The following SYT1 variants were observed in gnomAD, a reference collection of about 807,000 sequenced individuals.
The protein encoded by SYT1 is synaptotagmin-1.
Under a neutral mutation model 44.8 loss-of-function variants are expected in SYT1, and 8 were observed. The observed-to-expected ratio is 0.18, with a 90% CI of 0.10 to 0.32. SYT1 has a LOEUF of 0.32. Ranked by LOEUF, SYT1 falls within the 10% of genes least tolerant of loss-of-function variation. The probability of loss-of-function intolerance (pLI) is 1.00; values close to 1 mark genes in which losing one functional copy is unlikely to be tolerated. For synonymous variants in SYT1, 154 were observed against 188.8 expected, an observed-to-expected ratio of 0.82 and a Z score of 1.51; for missense variants, 286 against 509.3, an observed-to-expected ratio of 0.56 and a Z score of 4.22.
At chr12:79,315,137 A>C (rs920047089) in intron 8 of SYT1, among the ~76,000 whole-genome samples, 1 of 152,208 alleles carries the variant, frequency 6.6e-6, no homozygotes, top group African/African-American at 2.4e-5. Context: ...ATTTTATGGT[A>C]TGTGAATAAA....
chr12:79,199,174 C>T (rs1332455676), intron 3 of SYT1, among the ~76,000 whole-genome samples: 1 of 152,124 alleles, frequency 6.6e-6, no homozygotes, highest in Admixed American at 6.6e-5. Context: ...CTTTGGAAGG[C>T]TGTTTGTCAT....
At chr12:79,169,180 T>C (rs1871371352) in intron 3 of SYT1, among the ~76,000 whole-genome samples, 1 of 152,082 alleles carries the variant, frequency 6.6e-6, no homozygotes, top group African/African-American at 2.4e-5. Flanking sequence ...TTAATTCCAG[T>C]GCCTCATTTT....
chr12:79,308,021 G>A (rs1880500678), intron 8 of SYT1, among the ~76,000 whole-genome samples: 1 of 152,194 alleles, frequency 6.6e-6, no homozygotes, highest in Non-Finnish European at 1.5e-5. Flanking sequence ...ACTCAGCGTT[G>A]TAGAACTTCA....
intron 4 of SYT1, among the ~76,000 whole-genome samples, chr12:79,238,240 A>G (rs1278754865): frequency 6.6e-6 from 1 of 151,670 alleles, no homozygotes; most frequent in Non-Finnish European, 1.5e-5. Flanking sequence ...TGCCATCCTA[A>G]GCAGGTTTTA....
At chr12:79,136,182 T>G (rs768034511) in intron 3 of SYT1, among the ~76,000 whole-genome samples, 1 of 152,218 alleles carries the variant, frequency 6.6e-6, no homozygotes, top group Non-Finnish European at 1.5e-5. Flanking sequence ...CCATTCCAGT[T>G]AGTAGAATAG....
chr12:79,376,096 C>A (rs997154488), intron 9 of SYT1, among the ~76,000 whole-genome samples: 5 of 152,310 alleles, frequency 3.3e-5, no homozygotes, highest in Non-Finnish European at 7.3e-5. Flanking sequence ...CCTTCTTCCA[C>A]TGAGACGCAC....
rs561583839 is a variant in SYT1 at position 79,447,772 on chromosome 12, C to T, written c.1063-1146C>T. On this transcript the variant is annotated intron_variant, in intron 10 of 10. Coordinates refer to ENST00000261205, the MANE Select transcript of SYT1 (RefSeq NM_005639.3). ...TTGACAATGTGTTGCATTTCACATT[C>T]TAAATTCCACTTGCAGAAGTGATTG... Among the ~76,000 whole-genome samples the T allele has an allele frequency of 2.0e-5, 3 of 152,252 alleles. No homozygotes were observed. The South Asian group carries it at 6.2e-4, about 32-fold the overall frequency.
intron 2 of SYT1, among the ~76,000 whole-genome samples, chr12:79,046,825 A>G (rs1345215015): frequency 6.6e-6 from 1 of 152,020 alleles, no homozygotes; most frequent in Non-Finnish European, 1.5e-5. Context: ...TATGTATAAC[A>G]TATTGAGGTG....
At chr12:79,226,440 G>A (rs1875525940) in intron 4 of SYT1, among the ~76,000 whole-genome samples, 2 of 152,000 alleles carry the variant, frequency 1.3e-5, no homozygotes, top group South Asian at 2.1e-4. Context: ...TCTTAGTCCT[G>A]TGTCCCTCTA....
At chr12:79,024,362 G>T (rs764047164) in intron 2 of SYT1, among the ~76,000 whole-genome samples, 1 of 151,726 alleles carries the variant, frequency 6.6e-6, no homozygotes, top group Non-Finnish European at 1.5e-5. Context: ...AGAACCCAGG[G>T]TTGTGCTGCT....
At chr12:78,980,107 C>T (rs1363214806) in intron 2 of SYT1, among the ~76,000 whole-genome samples, 1 of 151,958 alleles carries the variant, frequency 6.6e-6, no homozygotes, top group African/African-American at 2.4e-5. Flanking sequence ...AATATTTTCT[C>T]AGTGCGGCAA....
intron 5 of SYT1, 38 bp downstream of exon 5, chr12:79,286,009 A>G (rs1879296592): frequency 6.4e-7 from 1 of 1,557,970 alleles, no homozygotes; most frequent in Admixed American, 2.1e-5. Context: ...TATTTTGTTT[A>G]AAAAAGATAA....
chr12:78,952,363 C>T (rs1331915441), intron 1 of SYT1, among the ~76,000 whole-genome samples: 1 of 152,094 alleles, frequency 6.6e-6, no homozygotes, highest in Non-Finnish European at 1.5e-5. Flanking sequence ...CTTGATGATT[C>T]ATCATCCAGC....
chr12:79,146,816 A>G (rs1164961972), intron 3 of SYT1, among the ~76,000 whole-genome samples: 1 of 151,974 alleles, frequency 6.6e-6, no homozygotes, highest in Non-Finnish European at 1.5e-5. Flanking sequence ...TACAAAGTAA[A>G]GGAGATAAAA....
At chr12:79,276,955 GGA>G (rs1444957571) in intron 4 of SYT1, among the ~76,000 whole-genome samples, 12 of 147,740 alleles carry the variant, frequency 8.1e-5, no homozygotes, top group South Asian at 4.3e-4. Context: ...GAAGGAAGAA[GGA>G]GGAGGAGGAG....
rs184775017 is a variant in SYT1, at chr12:78,976,836, T to A, written c.-216-963T>A. ...GCTCTACTATGCAAAGCCTCAATTC[T>A]TAATTGGTCTACAGGATTCAGCTGA... is the stretch of plus-strand genomic sequence containing the variant. On this transcript the variant is annotated intron_variant, in intron 1 of 10. Coordinates refer to ENST00000261205, the MANE Select transcript of SYT1 (RefSeq NM_005639.3). Among the ~76,000 whole-genome samples, 85 of 152,322 alleles carry A rather than the reference T, an allele frequency of 5.6e-4. No homozygotes were observed. The East Asian group carries it at 0.01, about 19-fold the overall frequency.
At chr12:78,885,330 GGGAAGGAAGAAA>G (rs1263228307) in intron 1 of SYT1, among the ~76,000 whole-genome samples, 3 of 16,882 alleles carry the variant, frequency 1.8e-4, no homozygotes, top group African/African-American at 9.1e-4. Flanking sequence ...GAAGGAAGGA[GGGAAGGAAGAAA>G]GGAAGGAAGG....
chr12:79,121,298 G>C (rs1423093581), intron 3 of SYT1, among the ~76,000 whole-genome samples: 1 of 152,082 alleles, frequency 6.6e-6, no homozygotes, highest in Non-Finnish European at 1.5e-5. Flanking sequence ...CCCAGCCATT[G>C]CTGGACTTGG....
chr12:79,422,158 T>C (rs1296549788), intron 9 of SYT1, among the ~76,000 whole-genome samples: 1 of 152,110 alleles, frequency 6.6e-6, no homozygotes, highest in Admixed American at 6.6e-5. Flanking sequence ...CTCAGCCTCC[T>C]TAGTTCTGTA....
Sources: allele counts gnomAD v4.1 joint callset (sites outside exome capture counted in the v4.1 genomes callset), GRCh38; gene constraint gnomAD v4.1.1; transcripts MANE v1.5; gene names NCBI Gene and HGNC (gene_info 2026-07-23, HGNC 2026-07-21).